IMMP1L: variants seen among roughly 807,000 people sequenced by gnomAD.
The protein encoded by IMMP1L is mitochondrial inner membrane protease subunit 1.
Under a neutral mutation model 21.8 loss-of-function variants are expected in IMMP1L, and 24 were observed. That is an observed-to-expected ratio of 1.10 (90% CI 0.80 to 1.55). The LOEUF (loss-of-function observed/expected upper bound fraction) is 1.55. Among genes scored for constraint, IMMP1L ranks in the 40% most tolerant of loss-of-function variants. IMMP1L has a pLI of 0.00. For missense variants in IMMP1L, 195 were observed against 200.7 expected (o/e 0.97, Z 0.17); for synonymous variants, 46 against 62.8 (o/e 0.73, Z 1.26).
intron 1 of IMMP1L, among the ~76,000 whole-genome samples, chr11:31,495,462 A>G (rs1955400686): frequency 6.6e-6 from 1 of 152,136 alleles, no homozygotes; most frequent in Non-Finnish European, 1.5e-5. Flanking sequence ...GGCATGCACA[A>G]AGAACTGCCT....
At chr11:31,497,513 G>T (rs1244165156) in intron 1 of IMMP1L, among the ~76,000 whole-genome samples, 1 of 147,102 alleles carries the variant, frequency 6.8e-6, no homozygotes, top group Non-Finnish European at 1.5e-5. Context: ...CCAGACTGGA[G>T]TGCAGTGGTG....
At chr11:31,437,674 C>T (rs999245018) in intron 4 of IMMP1L, among the ~76,000 whole-genome samples, 1 of 152,032 alleles carries the variant, frequency 6.6e-6, no homozygotes, top group African/African-American at 2.4e-5. Context: ...AATGTACATA[C>T]CCATCTAACC....
chr11:31,437,790 CTT>C (rs1325629443), intron 4 of IMMP1L, among the ~76,000 whole-genome samples: 1 of 152,126 alleles, frequency 6.6e-6, no homozygotes, highest in Non-Finnish European at 1.5e-5. Flanking sequence ...GAGTGAACTG[CTT>C]TCTGTTACTA....
chr11:31,486,775 T>A (rs1339541055), intron 1 of IMMP1L, among the ~76,000 whole-genome samples: 1 of 151,788 alleles, frequency 6.6e-6, no homozygotes, highest in Non-Finnish European at 1.5e-5. Flanking sequence ...CATAACTACA[T>A]GGATAACTCT....
chr11:31,492,253 G>A (rs1955281036), intron 1 of IMMP1L, among the ~76,000 whole-genome samples: 1 of 152,174 alleles, frequency 6.6e-6, no homozygotes. Context: ...ACACTTTTAT[G>A]TTATGGCTTC....
chr11:31,507,543 T>C (rs533196521), intron 1 of IMMP1L, among the ~76,000 whole-genome samples: 49 of 152,246 alleles, frequency 3.2e-4, no homozygotes, highest in Middle Eastern at 3.4e-3. Context: ...AATTATACCA[T>C]TATGTTAAGT....
At chr11:31,500,612 A>AAC (rs1554952113) in intron 1 of IMMP1L, among the ~76,000 whole-genome samples, 8 of 145,216 alleles carry the variant, frequency 5.5e-5, no homozygotes, top group East Asian at 2.0e-4. Context: ...CACACACACA[A>AAC]ACACACACAC....
chr11:31,465,393 A>T (rs1591987432), intron 1 of IMMP1L, among the ~76,000 whole-genome samples: 2 of 152,150 alleles, frequency 1.3e-5, no homozygotes, highest in South Asian at 4.1e-4. Flanking sequence ...TGATCTAAAG[A>T]TTCAATGCAA....
intron 1 of IMMP1L, among the ~76,000 whole-genome samples, chr11:31,469,299 GT>G (rs1954466121): frequency 6.6e-6 from 1 of 151,758 alleles, no homozygotes; most frequent in Non-Finnish European, 1.5e-5. Flanking sequence ...AGAGCAACAG[GT>G]GATTCAGGTA....
intron 1 of IMMP1L, among the ~76,000 whole-genome samples, chr11:31,485,386 T>G (rs1386995072): frequency 2.0e-5 from 3 of 151,864 alleles, no homozygotes; most frequent in Non-Finnish European, 4.4e-5. Flanking sequence ...CTGGAAAACA[T>G]GTAAATGATC....
chr11:31,488,437 C>G (rs563464267), intron 1 of IMMP1L, among the ~76,000 whole-genome samples: 29 of 152,118 alleles, frequency 1.9e-4, no homozygotes, highest in African/African-American at 6.7e-4. Flanking sequence ...TATTAAAGTC[C>G]TTTATCCATC....
intron 1 of IMMP1L, among the ~76,000 whole-genome samples, chr11:31,491,035 T>A (rs1592030470): frequency 6.6e-6 from 1 of 152,180 alleles, no homozygotes; most frequent in East Asian, 1.9e-4. Flanking sequence ...TAAACATAGC[T>A]GACAACTTGA....
chr11:31,501,101 A>C (rs1955604078), intron 1 of IMMP1L, among the ~76,000 whole-genome samples: 1 of 152,206 alleles, frequency 6.6e-6, no homozygotes. Flanking sequence ...TTTAATGACT[A>C]TTGTACTGGA....
chr11:31,474,219 AACTG>A (rs1954659008), intron 1 of IMMP1L, among the ~76,000 whole-genome samples: 1 of 152,170 alleles, frequency 6.6e-6, no homozygotes, highest in Non-Finnish European at 1.5e-5. Context: ...CATAAAAAGT[AACTG>A]AGAGATATAT....
At chr11:31,437,617 T>A (rs1043357546) in intron 4 of IMMP1L, among the ~76,000 whole-genome samples, 1 of 152,232 alleles carries the variant, frequency 6.6e-6, no homozygotes, top group Non-Finnish European at 1.5e-5. Flanking sequence ...GTATATTTTA[T>A]ATACAGTAAA....
chr11:31,451,556 G>A (rs1342490476), intron 4 of IMMP1L, among the ~76,000 whole-genome samples: 1 of 152,038 alleles, frequency 6.6e-6, no homozygotes, highest in Non-Finnish European at 1.5e-5. Flanking sequence ...AGTAGCATGG[G>A]GTTTTCTTCC....
At chr11:31,490,473 A>G (rs1955218925) in intron 1 of IMMP1L, among the ~76,000 whole-genome samples, 1 of 151,804 alleles carries the variant, frequency 6.6e-6, no homozygotes, top group Admixed American at 6.6e-5. Flanking sequence ...TCCATCTAAA[A>G]AAAAAAAAAA....
chr11:31,480,221 A>G (rs1366079113), intron 1 of IMMP1L, among the ~76,000 whole-genome samples: 1 of 152,084 alleles, frequency 6.6e-6, no homozygotes, highest in Non-Finnish European at 1.5e-5. Flanking sequence ...TTTTTAAAGT[A>G]CATTTAAGTA....
chr11:31,481,932 T>C (rs1248066570), intron 1 of IMMP1L, among the ~76,000 whole-genome samples: 3 of 152,192 alleles, frequency 2.0e-5, no homozygotes, highest in East Asian at 3.9e-4. Flanking sequence ...TGAATAAACT[T>C]ATTTATGAAT....
Sources: gnomAD v4.1 joint callset for allele counts (sites outside exome capture counted in the v4.1 genomes callset) on GRCh38, gnomAD v4.1.1 for gene constraint, MANE v1.5 for transcripts, NCBI Gene and HGNC (gene_info 2026-07-23, HGNC 2026-07-21) for gene names.